Variants in SNAPC4 observed in about 807,000 individuals in gnomAD.
The protein encoded by SNAPC4 is snRNA-activating protein complex subunit 4.
SNAPC4 carries 127 observed loss-of-function variants against 151.3 expected under a neutral mutation model. The observed-to-expected ratio is 0.84, with a 90% CI of 0.73 to 0.97. The LOEUF (loss-of-function observed/expected upper bound fraction) is 0.97, where lower values mean the gene tolerates loss of function less well. Ranked by LOEUF, SNAPC4 falls within the 50% of genes least tolerant of loss-of-function variation. SNAPC4 has a pLI of 0.00. For missense variants in SNAPC4, 2,186 were observed against 1,935.0 expected, an observed-to-expected ratio of 1.13 and a Z score of -2.43; for synonymous variants, 1,002 against 824.4, an observed-to-expected ratio of 1.22 and a Z score of -3.69.
chr9:136,387,808 GATCA>G lies in SNAPC4; in HGVS notation c.1160_1163del (p.Leu387ProfsTer12), dbSNP rs1833941078. The G allele has an allele frequency of 6.2e-7, 1 of 1,612,408 alleles. No homozygotes were observed. Among genetic ancestry groups the G allele is most frequent in the Non-Finnish European group, 8.5e-7 (1 of 1,178,666 alleles). ...GATCCAAGCTCTTGGTCCATCGGTA[GATCA>G]GCTGCATGGAGTCTCTCCCTTCCAT... On this transcript the variant is annotated frameshift_variant, in exon 12 of 24. Coordinates refer to ENST00000684778, the MANE Select transcript of SNAPC4 (RefSeq NM_003086.4). LOFTEE classifies it high-confidence loss of function.
rs756266793 is a variant in SNAPC4 at position 136,394,787 on chromosome 9, C to T, written c.550+13G>A. ...AAGCTCAGGGGTGCCGCAGGGCCGG[C>T]CAGGGCTCTTACATTTGGTCACAAG... On this transcript the variant is annotated intron_variant, in intron 6 of 23. Coordinates refer to ENST00000684778, the MANE Select transcript of SNAPC4 (RefSeq NM_003086.4). The T allele has an allele frequency of 2.3e-5, 37 of 1,612,842 alleles. No individual in the cohort carries two copies. The highest frequency in any genetic ancestry group is 3.0e-5 in the Non-Finnish European group (35 of 1,179,342).
intron 7 of SNAPC4, among the ~76,000 whole-genome samples, chr9:136,393,490 G>T (rs534098154): frequency 6.6e-6 from 1 of 152,216 alleles, no homozygotes; most frequent in African/African-American, 2.4e-5. Flanking sequence ...GGACAGCAGC[G>T]CCTTCTATCA....
At position 136,387,526 on chromosome 9, in the gene SNAPC4, C is replaced by T. The variant is rs779161760; in HGVS notation, c.1284G>A (p.Arg428=). 2.5e-6 allele frequency: 4 copies of T among 1,613,880 alleles called. No individual in the cohort carries two copies. Among genetic ancestry groups the T allele is most frequent in the African/African-American group, 1.3e-5 (1 of 74,930 alleles). The change falls in exon 13 of 24, where the codon CGG becomes CGA. Residue 428 remains arginine, a synonymous_variant. Coordinates refer to ENST00000684778, the MANE Select transcript of SNAPC4 (RefSeq NM_003086.4). ...CATCGCTCCTACCTGGCACCTCTTC[C>T]CGGATTTTAAACCAATCCTGCTCCC... ...KYGEQDWFKI[R]EEVPGRSDAQ...
chr9:136,378,249 G>A lies in SNAPC4; in HGVS notation c.3578C>T (p.Ala1193Val), dbSNP rs139860748. The A allele has an allele frequency of 5.5e-5, 89 of 1,609,546 alleles. No homozygotes were observed. The highest frequency in any genetic ancestry group is 5.4e-4 in the East Asian group (24 of 44,738). Residue 1193 changes from alanine (A) to valine (V), a missense_variant, in exon 22 of 24, where the codon GCT (alanine) becomes GTT (valine). Physicochemically the swap from Ala to Val is moderately conservative, Grantham distance 64. Coordinates refer to ENST00000684778, the MANE Select transcript of SNAPC4 (RefSeq NM_003086.4). ...EIPEPRTSSH[A>V]DPPEAEPPWS... is the part of the protein sequence containing the mutation. ...AGGGGGTTCTGCTTCAGGAGGGTCA[G>A]CGTGGGAGGACGTCCTGGGCTCAGG...
intron 22 of SNAPC4, 146 bp downstream of exon 22, chr9:136,377,397 A>C: frequency 9.6e-7 from 1 of 1,043,550 alleles, no homozygotes. Flanking sequence ...GCAGGCCAGG[A>C]ACCAGCTTCC....
At chr9:136,382,383 A>C (rs1444041749) in intron 16 of SNAPC4, 47 bp from the exon 17 acceptor site, 1 of 1,528,994 alleles carries the variant, frequency 6.5e-7, no homozygotes, top group Admixed American at 1.7e-5. Context: ...TGTACGGGAC[A>C]CATGGGGGCC....
intron 10 of SNAPC4, among the ~76,000 whole-genome samples, chr9:136,390,291 C>A (rs1834022670): frequency 6.6e-6 from 1 of 152,066 alleles, no homozygotes; most frequent in Non-Finnish European, 1.5e-5. Flanking sequence ...CGCGGTGGCT[C>A]ACGTCTGTAA....
In SNAPC4 at chr9:136,391,177, T is replaced by C. The variant is rs551238281; in HGVS notation, c.975+765A>G. 4.6e-5 allele frequency among the ~76,000 whole-genome samples: 7 copies of C among 152,336 alleles called. No individual in the cohort carries two copies. In the East Asian group the frequency reaches 7.7e-4, roughly 17 times the overall value. On this transcript the variant is annotated intron_variant, in intron 10 of 23. Transcript: ENST00000684778. ...GGCAAACTCAATTTAATAGCTGATATAGAGTAGGCCCTACTTACAGAGAAC... is the reference window on the plus strand; with the variant it reads ...GGCAAACTCAATTTAATAGCTGATACAGAGTAGGCCCTACTTACAGAGAAC...
intron 9 of SNAPC4, 33 bp downstream of exon 9, chr9:136,392,489 G>C (rs768192497): frequency 1.2e-6 from 2 of 1,605,440 alleles, no homozygotes. Context: ...TGTGCTCCAA[G>C]CTGCTTGGGG....
Position 136,381,324 on chromosome 9 carries a change from G to A in SNAPC4, c.2386C>T (p.Gln796Ter), listed in dbSNP as rs1833682250. 1 of 1,611,830 alleles carries A rather than the reference G, an allele frequency of 6.2e-7. No individual in the cohort carries two copies. Among genetic ancestry groups the A allele is most frequent in the Admixed American group, 1.7e-5 (1 of 59,916 alleles). ...GAAGCTCTGCCCAAGTAGCTTACCT[G>A]GGTAAACAGGGTAAACACAGGGGTG... Reference protein sequence around the residue: ...ASTPVFTLFTQLFHIDTAGCL... With the variant: ...ASTPVFTLFT The change falls in exon 19 of 24, where the codon CAG (glutamine) becomes TAG (stop). Residue 796 changes from glutamine (Q) to a stop codon, truncating the protein, a stop_gained and splice_region_variant. Transcript: ENST00000684778. LOFTEE classifies it high-confidence loss of function.
chr9:136,383,542 CGCTGCTGCTGCT>C lies in SNAPC4; in HGVS notation c.1615_1626del (p.Ser539_Ser542del), dbSNP rs147271628. 113 of 1,590,662 alleles carry C rather than the reference CGCTGCTGCTGCT, an allele frequency of 7.1e-5. No individual in the cohort carries two copies. Among genetic ancestry groups the C allele is most frequent in the Middle Eastern group, 1.7e-4 (1 of 5,960 alleles). ...TGCGCCTGCTCTGGCTCGTCCTCCT[CGCTGCTGCTGCT>C]GCTGCTGCTGCTGCTCCCTCCACTG... is the stretch of plus-strand genomic sequence containing the variant. On this transcript the variant is annotated inframe_deletion, in exon 16 of 24. Coordinates refer to ENST00000684778, the MANE Select transcript of SNAPC4 (RefSeq NM_003086.4). This position sits in a 1 kb window ranked among gnomAD's most constrained non-coding sequence, Gnocchi z 4.2.
rs147271628 is a variant in SNAPC4 at position 136,383,542 on chromosome 9, CGCTGCTGCTGCTGCT to C, written c.1612_1626del (p.Ser538_Ser542del). The C allele has an allele frequency of 3.1e-6, 5 of 1,590,640 alleles. No homozygotes were observed. The highest frequency in any genetic ancestry group is 2.2e-5 in the South Asian group (2 of 89,372). On this transcript the variant is annotated inframe_deletion, in exon 16 of 24. Transcript: ENST00000684778. This position sits in a 1 kb window ranked among gnomAD's most constrained non-coding sequence, Gnocchi z 4.2. ...TGCGCCTGCTCTGGCTCGTCCTCCT[CGCTGCTGCTGCTGCT>C]GCTGCTGCTGCTCCCTCCACTGCTG...
intron 1 of SNAPC4, among the ~76,000 whole-genome samples, chr9:136,399,789 G>T (rs1351224788): frequency 1.3e-5 from 2 of 152,182 alleles, no homozygotes; most frequent in Non-Finnish European, 2.9e-5. Flanking sequence ...CCTCCTGCTC[G>T]CTGCGTGAAC....
Position 136,395,752 on chromosome 9 carries a change from C to G in SNAPC4, c.196G>C (p.Glu66Gln). ...GGATCGTCCTCGTCATTGCTGGCTT[C>G]GCCCCACCTTTCTTCTTCCTGGTAA... ...PPISEEERWG[E>Q]ASNDEDDPKD... Residue 66 changes from glutamate to glutamine, a missense_variant, in exon 4 of 24, where the codon GAA (glutamate) becomes CAA (glutamine). Glu to Gln is a conservative substitution (Grantham distance 29). Transcript: ENST00000684778. 2 of 1,612,694 alleles carry G rather than the reference C, an allele frequency of 1.2e-6. No individual in the cohort carries two copies. The highest frequency in any genetic ancestry group is 1.7e-6 in the Non-Finnish European group (2 of 1,179,458).
chr9:136,396,006 A>G (rs1286340462), intron 3 of SNAPC4, among the ~76,000 whole-genome samples: 1 of 152,258 alleles, frequency 6.6e-6, no homozygotes, highest in East Asian at 1.9e-4. Flanking sequence ...CACGGCAGGC[A>G]GAGCCTCCAA....
At position 136,392,044 on chromosome 9, in the gene SNAPC4, G is replaced by T; in HGVS notation, c.873C>A (p.Ser291Arg). Residue 291 changes from serine (S) to arginine (R), a missense_variant, in exon 10 of 24, where the codon AGC (serine) becomes AGA (arginine). Physicochemically the swap from Ser to Arg is moderately radical, Grantham distance 110. Coordinates refer to ENST00000684778, the MANE Select transcript of SNAPC4 (RefSeq NM_003086.4). ...RKFWQNSEHP[S>R]INKQEWSREE... Reference sequence around the variant, plus strand: ...CCCTGCTCCACTCCTGCTTGTTGATGCTGGGGTGCTCCGAGTTCTGCCAGA... The same window carrying T: ...CCCTGCTCCACTCCTGCTTGTTGATTCTGGGGTGCTCCGAGTTCTGCCAGA... The T allele has an allele frequency of 6.2e-7, 1 of 1,612,480 alleles. No homozygotes were observed.
At position 136,381,034 on chromosome 9, in the gene SNAPC4, C is replaced by T. The variant is rs558677708; in HGVS notation, c.2389-184G>A. Among the ~76,000 whole-genome samples the T allele has an allele frequency of 3.1e-4, 47 of 152,288 alleles. No individual in the cohort carries two copies. The East Asian group carries it at 4.4e-3, about 14-fold the overall frequency. ...AGGCTGTGGACATCCAGGATGGCCT[C>T]CCATGAGACCCAGGCCTGCTCTCCT... On this transcript the variant is annotated intron_variant, in intron 19 of 23. Coordinates refer to ENST00000684778, the MANE Select transcript of SNAPC4 (RefSeq NM_003086.4).
Position 136,378,745 on chromosome 9 carries a change from C to T in SNAPC4, c.3082G>A (p.Ala1028Thr). ...CPESGLGQSQ[A>T]PAASRKQGLP... ...CCCTGCTTCCGGGATGCAGCGGGGG[C>T]CTGAGACTGTCCGAGACCACTCTCG... The change falls in exon 22 of 24, where the codon GCC (alanine) becomes ACC (threonine). Residue 1028 changes from alanine (A) to threonine (T), a missense_variant. By Grantham distance (58) the Ala-to-Thr change is moderately conservative. Transcript: ENST00000684778. 1 of 1,523,656 alleles carries T rather than the reference C, an allele frequency of 6.6e-7. No homozygotes were observed. Among genetic ancestry groups the T allele is most frequent in the South Asian group, 1.3e-5 (1 of 76,854 alleles). 94.4% of individuals were successfully genotyped at this position (1,523,656 alleles called of 1,614,324 possible).
chr9:136,384,790 G>C lies in SNAPC4; in HGVS notation c.1350C>G (p.Ser450Arg). 1.3e-6 allele frequency: 2 copies of C among 1,594,164 alleles called. No individual in the cohort carries two copies. Among genetic ancestry groups the C allele is most frequent in the Non-Finnish European group, 1.7e-6 (2 of 1,168,828 alleles). Reference protein sequence around the residue: ...RDRYLRRLHFSLKKGRWNLKE... With the variant: ...RDRYLRRLHFRLKKGRWNLKE... ...TTAAATTCCACCGACCCTTTTTCAA[G>C]CTGAAATGTAATCTCCTGAGATACC... The change falls in exon 14 of 24, where the codon AGC becomes AGG. Residue 450 changes from serine to arginine, a missense_variant. Ser to Arg is a moderately radical substitution (Grantham distance 110, BLOSUM62 -1). Coordinates refer to ENST00000684778, the MANE Select transcript of SNAPC4 (RefSeq NM_003086.4).
Sources: allele counts gnomAD v4.1 joint callset (sites outside exome capture counted in the v4.1 genomes callset), GRCh38; gene constraint gnomAD v4.1.1; non-coding constraint Gnocchi (gnomAD v3.1); transcripts MANE v1.5; gene names NCBI Gene and HGNC (gene_info 2026-07-23, HGNC 2026-07-21).